The following ACOXL variants were observed in gnomAD, a reference collection of about 807,000 sequenced individuals.
ACOXL encodes the protein acyl-CoA oxidase like.
In ACOXL, 70 loss-of-function variants were observed where a neutral mutation model predicts 71.9. The ratio of observed to expected loss-of-function variants is 0.97; its 90% CI spans 0.80 to 1.19. The LOEUF (loss-of-function observed/expected upper bound fraction) is 1.19. ACOXL is among the 50% of genes most tolerant of loss of function. ACOXL has a pLI of 0.00. For synonymous variants in ACOXL, 253 were observed against 281.6 expected, an observed-to-expected ratio of 0.90 and a Z score of 1.02; for missense variants, 703 against 736.3, an observed-to-expected ratio of 0.95 and a Z score of 0.52.
chr2:110,989,781 T>TCAGCCCA (rs2063095989), intron 13 of ACOXL, among the ~76,000 whole-genome samples: 1 of 152,188 alleles, frequency 6.6e-6, no homozygotes, highest in South Asian at 2.1e-4. Context: ...CAGTGGCTTA[T>TCAGCCCA]GCGTGTATCA....
chr2:110,788,953 A>G (rs1368858855), intron 3 of ACOXL, among the ~76,000 whole-genome samples: 2 of 152,218 alleles, frequency 1.3e-5, no homozygotes, highest in South Asian at 2.1e-4. Context: ...TGCCTTTCAC[A>G]TGAGCTGGCT....
intron 1 of ACOXL, among the ~76,000 whole-genome samples, chr2:110,735,987 CCTT>C (rs1364779428): frequency 6.6e-6 from 1 of 151,978 alleles, no homozygotes; most frequent in Non-Finnish European, 1.5e-5. Context: ...CTTCTCACAC[CCTT>C]CTTCTCCCAC....
At chr2:110,853,244 T>G (rs1272935471) in intron 10 of ACOXL, among the ~76,000 whole-genome samples, 2 of 152,208 alleles carry the variant, frequency 1.3e-5, no homozygotes, top group East Asian at 3.9e-4. Flanking sequence ...GACTGGCAGC[T>G]ACGGTGGAGA....
At chr2:110,897,432 G>A (rs981911302) in intron 10 of ACOXL, among the ~76,000 whole-genome samples, 4 of 152,148 alleles carry the variant, frequency 2.6e-5, no homozygotes, top group African/African-American at 9.7e-5. Flanking sequence ...CATCTTTTAA[G>A]GGCCCTCCTG....
chr2:110,753,189 T>C (rs1477650887), intron 1 of ACOXL, among the ~76,000 whole-genome samples: 2 of 152,286 alleles, frequency 1.3e-5, no homozygotes, highest in East Asian at 1.9e-4. Context: ...GTGACACACC[T>C]GCTCCCCTTT....
intron 10 of ACOXL, 28 bp from the exon 11 acceptor site, chr2:110,908,761 A>G: frequency 6.3e-7 from 1 of 1,580,992 alleles, no homozygotes. Flanking sequence ...GGATTTTGGT[A>G]AAAATCGTGT....
At chr2:110,851,006 A>C (rs911894256) in intron 10 of ACOXL, among the ~76,000 whole-genome samples, 1 of 152,196 alleles carries the variant, frequency 6.6e-6, no homozygotes, top group Non-Finnish European at 1.5e-5. Flanking sequence ...TGAGTGGAAA[A>C]AGCCAGACTC....
intron 3 of ACOXL, among the ~76,000 whole-genome samples, chr2:110,792,803 GAAAAAC>G (rs1009775802): frequency 1.3e-5 from 2 of 152,022 alleles, no homozygotes; most frequent in Admixed American, 6.6e-5. Flanking sequence ...TGTCTCTTAA[GAAAAAC>G]AAAAACAAAA....
chr2:110,786,355 G>A (rs530076565), intron 3 of ACOXL, among the ~76,000 whole-genome samples: 8 of 152,314 alleles, frequency 5.3e-5, no homozygotes, highest in Middle Eastern at 3.4e-3. Flanking sequence ...CCATCTTGTC[G>A]TGAGGGTGTC....
chr2:110,980,530 A>C (rs2062660585), intron 12 of ACOXL, among the ~76,000 whole-genome samples: 1 of 152,204 alleles, frequency 6.6e-6, no homozygotes, highest in South Asian at 2.1e-4. Context: ...TTCCTAACTT[A>C]GGAGCACACA....
At chr2:110,994,660 G>A (rs2063313935) in intron 13 of ACOXL, among the ~76,000 whole-genome samples, 1 of 152,086 alleles carries the variant, frequency 6.6e-6, no homozygotes, top group Admixed American at 6.5e-5. Context: ...AAGCTCACGA[G>A]CTTTTAATTG....
chr2:111,066,338 G>C (rs1367111091), intron 16 of ACOXL, among the ~76,000 whole-genome samples: 1 of 152,172 alleles, frequency 6.6e-6, no homozygotes, highest in Non-Finnish European at 1.5e-5. Flanking sequence ...AAATTATATG[G>C]AGAGATAACA....
chr2:110,963,673 T>C, intron 12 of ACOXL: 2 of 1,614,040 alleles, frequency 1.2e-6, no homozygotes, highest in Non-Finnish European at 1.7e-6. Context: ...GACACAGATG[T>C]GTTTGCCACT....
intron 10 of ACOXL, among the ~76,000 whole-genome samples, chr2:110,856,264 T>C (rs1367560065): frequency 6.6e-6 from 1 of 152,130 alleles, no homozygotes; most frequent in Non-Finnish European, 1.5e-5. Flanking sequence ...TATGATGAAA[T>C]CTGAAGCCAT....
intron 14 of ACOXL, among the ~76,000 whole-genome samples, chr2:111,011,518 G>T (rs1471300524): frequency 6.6e-6 from 1 of 152,166 alleles, no homozygotes; most frequent in Non-Finnish European, 1.5e-5. Context: ...GACAGGAAAA[G>T]ATATAGCATG....
At chr2:110,756,751 T>C (rs1679751937) in intron 1 of ACOXL, among the ~76,000 whole-genome samples, 1 of 152,212 alleles carries the variant, frequency 6.6e-6, no homozygotes, top group African/African-American at 2.4e-5. Flanking sequence ...ATATTAAATT[T>C]CCATATATAC....
chr2:110,922,514 A>G (rs1402447316), intron 11 of ACOXL, among the ~76,000 whole-genome samples: 8 of 152,232 alleles, frequency 5.3e-5, no homozygotes, highest in African/African-American at 1.4e-4. Flanking sequence ...ATTAGACTAC[A>G]TAAGAAAGAG....
At chr2:111,026,639 A>G (rs2065027788) in intron 14 of ACOXL, among the ~76,000 whole-genome samples, 1 of 152,124 alleles carries the variant, frequency 6.6e-6, no homozygotes, top group Non-Finnish European at 1.5e-5. Flanking sequence ...TAGAAATACA[A>G]TTGATTTTTG....
chr2:110,940,386 A>G (rs982602936), intron 12 of ACOXL, among the ~76,000 whole-genome samples: 1 of 152,224 alleles, frequency 6.6e-6, no homozygotes, highest in African/African-American at 2.4e-5. Context: ...CTAGAAACCA[A>G]AATCTGGCTT....
Sources: allele counts gnomAD v4.1 joint callset (sites outside exome capture counted in the v4.1 genomes callset), GRCh38; gene constraint gnomAD v4.1.1; transcripts MANE v1.5; gene names NCBI Gene and HGNC (gene_info 2026-07-23, HGNC 2026-07-21).